IFT74: variants seen among roughly 807,000 people sequenced by gnomAD.
IFT74 encodes the protein intraflagellar transport 74, also known as intraflagellar transport protein 74 homolog.
In IFT74, 92 loss-of-function variants were observed where a neutral mutation model predicts 96.7. That is an observed-to-expected ratio of 0.95 (90% CI 0.80 to 1.13). The LOEUF is 1.13. Ranked by LOEUF, IFT74 falls within the 50% of genes most tolerant of loss-of-function variation. The pLI is 0.00. For missense variants in IFT74, 811 were observed against 698.2 expected (o/e 1.16, Z -1.82); for synonymous variants, 223 against 213.2 (o/e 1.05, Z -0.40).
intron 13 of IFT74, among the ~76,000 whole-genome samples, chr9:27,029,555 C>T (rs955743996): frequency 2.6e-5 from 4 of 152,060 alleles, no homozygotes; most frequent in Admixed American, 2.6e-4. Flanking sequence ...CGAGACCAGC[C>T]TGACCAACAT....
chr9:26,952,094 G>C (rs1825952786), upstream of IFT74, among the ~76,000 whole-genome samples: 1 of 152,118 alleles, frequency 6.6e-6, no homozygotes, highest in Non-Finnish European at 1.5e-5. Flanking sequence ...AATACATTTA[G>C]TAAGCGTTTT....
chr9:27,013,269 C>T (rs2131610875), intron 10 of IFT74, among the ~76,000 whole-genome samples: 1 of 152,206 alleles, frequency 6.6e-6, no homozygotes, highest in East Asian at 1.9e-4. Context: ...ATATCAGTTC[C>T]TAGAGAACCT....
intron 8 of IFT74, among the ~76,000 whole-genome samples, chr9:27,002,912 C>G (rs1828576258): frequency 6.6e-6 from 1 of 152,142 alleles, no homozygotes; most frequent in African/African-American, 2.4e-5. Context: ...TCTTCCACTC[C>G]ATGAACATGG....
intron 16 of IFT74, among the ~76,000 whole-genome samples, 163 bp downstream of exon 16, chr9:27,048,437 A>G (rs1054288265): frequency 6.6e-6 from 1 of 152,164 alleles, no homozygotes. Flanking sequence ...ATTATGTTGT[A>G]TATTGTCACT....
chr9:27,061,510 A>G (rs1820420243), intron 19 of IFT74, among the ~76,000 whole-genome samples: 1 of 151,956 alleles, frequency 6.6e-6, no homozygotes, highest in Admixed American at 6.6e-5. Flanking sequence ...TCAAACTCCT[A>G]GGCTCAATCC....
In IFT74 at chr9:27,048,228, T is replaced by C. The variant is rs2131686490; in HGVS notation, c.1287T>C (p.Ser429=). Residue 429 remains serine (S), a synonymous_variant, in exon 16 of 20, where the codon TCT becomes TCC. Transcript: ENST00000380062. ...KMMQDDLNFK[S]TEVQKSQSTA... ...TGCAGGATGACCTCAATTTTAAATCTACTGAAGTGCAGAAATCACAAAGTA... is the reference window on the plus strand; with the variant it reads ...TGCAGGATGACCTCAATTTTAAATCCACTGAAGTGCAGAAATCACAAAGTA... The C allele has an allele frequency of 6.2e-7, 1 of 1,608,524 alleles. No individual in the cohort carries two copies. The highest frequency in any genetic ancestry group is 8.5e-7 in the Non-Finnish European group (1 of 1,176,082).
chr9:26,968,544 G>A (rs1432219717), intron 2 of IFT74, among the ~76,000 whole-genome samples: 1 of 152,204 alleles, frequency 6.6e-6, no homozygotes, highest in African/African-American at 2.4e-5. Context: ...ACAGGCGTGA[G>A]CCACCTCGCC....
At chr9:27,047,202 G>A (rs932964513) in intron 14 of IFT74, 72 bp from the exon 15 acceptor site, 11 of 889,800 alleles carry the variant, frequency 1.2e-5, no homozygotes, top group Middle Eastern at 4.4e-4. Context: ...GCACTCTTAA[G>A]AACTGCAAAT....
chr9:27,009,444 C>T (rs1349003543), intron 9 of IFT74, among the ~76,000 whole-genome samples: 3 of 152,062 alleles, frequency 2.0e-5, no homozygotes, highest in Non-Finnish European at 4.4e-5. Flanking sequence ...TGAAAATACT[C>T]GCATTTATAA....
At chr9:27,014,794 A>C (rs1195630393) in intron 10 of IFT74, among the ~76,000 whole-genome samples, 1 of 152,124 alleles carries the variant, frequency 6.6e-6, no homozygotes, top group African/African-American at 2.4e-5. Flanking sequence ...TTTTTAGTAG[A>C]GACAGGGTTT....
chr9:26,981,220 A>G (rs1397298927), intron 4 of IFT74, among the ~76,000 whole-genome samples: 2 of 152,216 alleles, frequency 1.3e-5, no homozygotes, highest in African/African-American at 2.4e-5. Flanking sequence ...GAGGGACTCA[A>G]ACATTCAAAC....
At chr9:27,021,445 C>A (rs899229381) in intron 12 of IFT74, among the ~76,000 whole-genome samples, 6 of 152,122 alleles carry the variant, frequency 3.9e-5, no homozygotes, top group Non-Finnish European at 7.3e-5. Context: ...TTTATATTTC[C>A]ACAAGCAGTG....
At chr9:27,058,991 A>G (rs1321080612) in intron 18 of IFT74, among the ~76,000 whole-genome samples, 2 of 151,998 alleles carry the variant, frequency 1.3e-5, no homozygotes, top group Non-Finnish European at 2.9e-5. Context: ...CAATTCTTGG[A>G]AAAAAATACT....
intron 12 of IFT74, among the ~76,000 whole-genome samples, chr9:27,024,449 A>G (rs1829759200): frequency 6.6e-6 from 1 of 152,194 alleles, no homozygotes; most frequent in African/African-American, 2.4e-5. Context: ...AGGAAGCCCC[A>G]TCTCTAGGGA....
intron 8 of IFT74, chr9:26,997,578 C>T (rs1231413023): frequency 6.4e-6 from 5 of 777,488 alleles, no homozygotes; most frequent in African/African-American, 1.8e-5. Context: ...AGGTGATCCC[C>T]CTGCCTTGGC....
intron 12 of IFT74, among the ~76,000 whole-genome samples, chr9:27,024,985 A>G (rs1476843691): frequency 6.6e-6 from 1 of 152,024 alleles, no homozygotes; most frequent in Non-Finnish European, 1.5e-5. Context: ...AAAAAAAAAA[A>G]AAAGCACAAA....
chr9:26,998,000 G>A lies in IFT74; in HGVS notation c.587+7805G>A, dbSNP rs143123550. 3.2e-5 allele frequency: 51 copies of A among 1,613,880 alleles called. No individual in the cohort carries two copies. The African/African-American group carries it at 6.3e-4, about 20-fold the overall frequency. On this transcript the variant is annotated intron_variant, in intron 8 of 19. Coordinates refer to ENST00000380062, the MANE Select transcript of IFT74 (RefSeq NM_025103.4). ...TGCACCCTGTTGAATTACATAGATG[G>A]AGTTTCTACAGATATTTAAAATTTC...
In IFT74 at chr9:26,978,173, G is replaced by T; in HGVS notation, c.166G>T (p.Gly56Trp). 1 of 1,612,642 alleles carries T rather than the reference G, an allele frequency of 6.2e-7. No homozygotes were observed. The highest frequency in any genetic ancestry group is 2.2e-5 in the East Asian group (1 of 44,714). The part of the protein sequence containing the change: ...ARPGSRGCPI[G>W]TGGVLSSQIK... ...ACCAGGTTCTCGTGGTTGTCCCATA[G>T]GGACTGGTGGAGTTCTGTCTTCTCA... Residue 56 changes from glycine (G) to tryptophan (W), a missense_variant, in exon 3 of 20, where the codon GGG (glycine) becomes TGG (tryptophan). Transcript: ENST00000380062.
At chr9:26,965,180 A>G (rs1587244932) in intron 2 of IFT74, among the ~76,000 whole-genome samples, 1 of 152,208 alleles carries the variant, frequency 6.6e-6, no homozygotes, top group East Asian at 1.9e-4. Flanking sequence ...TTTAACATAG[A>G]AAACATAAAT....
Sources: allele counts gnomAD v4.1 joint callset (sites outside exome capture counted in the v4.1 genomes callset), GRCh38; gene constraint gnomAD v4.1.1; transcripts MANE v1.5; gene names NCBI Gene and HGNC (gene_info 2026-07-23, HGNC 2026-07-21).